Variants in RASGEF1A observed in about 807,000 individuals in gnomAD.
RASGEF1A encodes ras-GEF domain-containing family member 1A.
A neutral mutation model predicts 56.4 loss-of-function variants in RASGEF1A; 18 were observed. The ratio of observed to expected loss-of-function variants is 0.32; its 90% confidence interval spans 0.22 to 0.47. The LOEUF (loss-of-function observed/expected upper bound fraction) is 0.47, where lower values mean the gene tolerates loss of function less well. Among genes scored for constraint, RASGEF1A ranks in the 20% least tolerant of loss-of-function variants. The probability of loss-of-function intolerance (pLI) is 1.00; values close to 1 mark genes in which losing one functional copy is unlikely to be tolerated. For synonymous variants in RASGEF1A, 245 were observed against 242.6 expected, an observed-to-expected ratio of 1.01 and a Z score of -0.09; for missense variants, 422 against 627.1, an observed-to-expected ratio of 0.67 and a Z score of 3.49.
At chr10:43,256,070 G>C (rs1293059618) in intron 1 of RASGEF1A, among the ~76,000 whole-genome samples, 1 of 152,176 alleles carries the variant, frequency 6.6e-6, no homozygotes, top group Non-Finnish European at 1.5e-5. Flanking sequence ...GCCATCCCCA[G>C]CCTAGGGGGA....
At chr10:43,238,297 A>C (rs1016874528) in intron 1 of RASGEF1A, among the ~76,000 whole-genome samples, 2 of 152,076 alleles carry the variant, frequency 1.3e-5, no homozygotes, top group Non-Finnish European at 2.9e-5. Flanking sequence ...TGTATCGCAG[A>C]TTGAGACCTG....
At chr10:43,223,076 C>T (rs1463889257) in intron 1 of RASGEF1A, among the ~76,000 whole-genome samples, 1 of 152,100 alleles carries the variant, frequency 6.6e-6, no homozygotes, top group Non-Finnish European at 1.5e-5. Flanking sequence ...ACAGTGAGCA[C>T]CTCTTCATGC....
intron 9 of RASGEF1A, 61 bp downstream of exon 9, chr10:43,198,872 T>C (rs1174974266): frequency 1.4e-6 from 2 of 1,480,826 alleles, no homozygotes; most frequent in Non-Finnish European, 1.9e-6. Context: ...AGGGCCCCCT[T>C]CGGGCCATTG....
At chr10:43,209,611 C>A (rs911689551) in intron 1 of RASGEF1A, among the ~76,000 whole-genome samples, 1 of 152,230 alleles carries the variant, frequency 6.6e-6, no homozygotes, top group Non-Finnish European at 1.5e-5. Flanking sequence ...CCCCTACAGA[C>A]CACACAGGAG....
chr10:43,200,032 G>A (rs1588926128), intron 6 of RASGEF1A, 150 bp downstream of exon 6: 1 of 677,406 alleles, frequency 1.5e-6, no homozygotes, highest in African/African-American at 1.8e-5. Context: ...CAGGTGCTAG[G>A]AGGTCCAGTG....
chr10:43,254,206 G>T (rs1313835781), intron 1 of RASGEF1A, among the ~76,000 whole-genome samples: 1 of 152,184 alleles, frequency 6.6e-6, no homozygotes, highest in Non-Finnish European at 1.5e-5. Flanking sequence ...AGGGAGGGCG[G>T]GAGACAAACA....
chr10:43,201,113 G>A (rs573234495), intron 4 of RASGEF1A, among the ~76,000 whole-genome samples: 3 of 152,342 alleles, frequency 2.0e-5, no homozygotes, highest in South Asian at 4.1e-4. Context: ...GCTGCAGGAC[G>A]AGGCTAAGGG....
At position 43,257,051 on chromosome 10, in the gene RASGEF1A, T is replaced by G. The variant is rs1181806996; in HGVS notation, c.-7+9794A>C. ...TGGGCCATGCCTGGCGTGCATGGCC[T>G]GCAGTGGGTGAGGTTGTGATCCGAC... is the stretch of plus-strand genomic sequence containing the variant. On this transcript the variant is annotated intron_variant, in intron 1 of 12. Transcript: ENST00000395810. 4.6e-5 allele frequency among the ~76,000 whole-genome samples: 7 copies of G among 152,288 alleles called. No individual in the cohort carries two copies. The South Asian group carries it at 1.0e-3, about 23-fold the overall frequency.
intron 1 of RASGEF1A, among the ~76,000 whole-genome samples, chr10:43,253,374 C>T (rs781001848): frequency 1.3e-5 from 2 of 152,246 alleles, no homozygotes; most frequent in Non-Finnish European, 2.9e-5. Flanking sequence ...CCCAAATATG[C>T]CCACAGCCTG....
In RASGEF1A at chr10:43,196,614, C is replaced by T; in HGVS notation, c.1349-66G>A. 1 of 1,435,980 alleles carries T rather than the reference C, an allele frequency of 7.0e-7. No homozygotes were observed. The highest frequency in any genetic ancestry group is 1.7e-5 in the Admixed American group (1 of 59,706). The allele number at this position is 1,435,980 out of a possible 1,614,324, so 89.0% of individuals were successfully genotyped here. A position where few individuals can be genotyped will look rare whatever the true frequency, so the allele number is the denominator to read the frequency against. ...CAGTGTCTGCCTGAACCCAGCTGTC[C>T]CTTCAGGAGTACAGCCCAGCACAAG... is the stretch of plus-strand genomic sequence containing the variant. On this transcript the variant is annotated intron_variant, in intron 11 of 12. Transcript: ENST00000395810. This position sits in a 1 kb window ranked among gnomAD's most constrained non-coding sequence, Gnocchi z 4.6.
At chr10:43,256,099 C>T (rs999283407) in intron 1 of RASGEF1A, among the ~76,000 whole-genome samples, 14 of 152,180 alleles carry the variant, frequency 9.2e-5, no homozygotes, top group Middle Eastern at 3.2e-3. Context: ...CAGGAGGAGG[C>T]CCCCAGGGGA....
At chr10:43,251,731 C>T (rs1840629649) in intron 1 of RASGEF1A, among the ~76,000 whole-genome samples, 1 of 152,188 alleles carries the variant, frequency 6.6e-6, no homozygotes, top group Non-Finnish European at 1.5e-5. Flanking sequence ...TGGGAATCCA[C>T]ACTCTCTGGC....
chr10:43,254,564 C>T (rs541676663), intron 1 of RASGEF1A, among the ~76,000 whole-genome samples: 1 of 152,244 alleles, frequency 6.6e-6, no homozygotes, highest in South Asian at 2.1e-4. Context: ...GGGCCCGGAA[C>T]TGACACCTTC....
At position 43,266,848 on chromosome 10, in the gene RASGEF1A, G is replaced by A. The variant is rs1836634528; in HGVS notation, c.-10C>T. 6.9e-6 allele frequency: 1 copy of A among 145,942 alleles called. No individual in the cohort carries two copies. Among genetic ancestry groups the A allele is most frequent in the Admixed American group, 6.8e-5 (1 of 14,710 alleles). 9.0% of individuals were successfully genotyped at this position (145,942 alleles called of 1,614,324 possible). On this transcript the variant is annotated 5_prime_UTR_variant, in exon 1 of 13. The change creates a premature stop within an existing upstream ORF in the 5' untranslated region. Coordinates refer to ENST00000395810, the MANE Select transcript of RASGEF1A (RefSeq NM_145313.4). ...AGGGTCCGCGGCCGCTGCCTACCTC[G>A]GTCCGGGCCAGCGTCGCTCCCGCGC... is the stretch of plus-strand genomic sequence containing the variant.
chr10:43,265,605 G>A (rs780352708), intron 1 of RASGEF1A, among the ~76,000 whole-genome samples: 14 of 152,252 alleles, frequency 9.2e-5, no homozygotes, highest in Non-Finnish European at 1.9e-4. Flanking sequence ...AGGTTCCAAA[G>A]CAAAGTGTCA....
intron 1 of RASGEF1A, among the ~76,000 whole-genome samples, chr10:43,257,905 C>T (rs374985111): frequency 6.6e-6 from 1 of 152,220 alleles, no homozygotes; most frequent in Non-Finnish European, 1.5e-5. Flanking sequence ...GTGCTCTGGC[C>T]GAGGCAGACA....
At chr10:43,217,133 G>C (rs1840147593) in intron 1 of RASGEF1A, among the ~76,000 whole-genome samples, 1 of 152,290 alleles carries the variant, frequency 6.6e-6, no homozygotes, top group East Asian at 1.9e-4. Flanking sequence ...ACAAGCGAGG[G>C]GAGCCGATGG....
intron 1 of RASGEF1A, among the ~76,000 whole-genome samples, chr10:43,256,073 T>A (rs1214841474): frequency 6.6e-6 from 1 of 152,144 alleles, no homozygotes; most frequent in Non-Finnish European, 1.5e-5. Context: ...ATCCCCAGCC[T>A]AGGGGGAGCA....
chr10:43,213,098 G>A (rs1290313351), intron 1 of RASGEF1A, among the ~76,000 whole-genome samples: 1 of 152,184 alleles, frequency 6.6e-6, no homozygotes, highest in Non-Finnish European at 1.5e-5. Flanking sequence ...GCAGGAGCGG[G>A]AAACAAAGAT....
Sources: gnomAD v4.1 joint callset for allele counts (sites outside exome capture counted in the v4.1 genomes callset) on GRCh38, gnomAD v4.1.1 for gene constraint, Gnocchi (gnomAD v3.1) non-coding constraint, MANE v1.5 for transcripts, NCBI Gene and HGNC (gene_info 2026-07-23, HGNC 2026-07-21) for gene names.